Variants in NME5 observed in about 807,000 individuals in gnomAD.
The protein encoded by NME5 is NME/NM23 family member 5, also known as nucleoside diphosphate kinase 5.
A neutral mutation model predicts 21.6 loss-of-function variants in NME5; 18 were observed. That is an observed-to-expected ratio of 0.83 (90% CI 0.58 to 1.24). NME5 has a LOEUF of 1.24. NME5 is among the 50% of genes most tolerant of loss of function. The pLI is 0.00. For synonymous variants in NME5, 70 were observed against 80.6 expected, an observed-to-expected ratio of 0.87 and a Z score of 0.71; for missense variants, 223 against 255.4, an observed-to-expected ratio of 0.87 and a Z score of 0.86.
chr5:138,120,295 G>C (rs1224130693), intron 4 of NME5, among the ~76,000 whole-genome samples: 1 of 136,734 alleles, frequency 7.3e-6, no homozygotes, highest in Non-Finnish European at 1.5e-5. Context: ...GTGCAGTGCC[G>C]CGATCTTGGC....
intron 2 of NME5, among the ~76,000 whole-genome samples, chr5:138,132,953 G>GT (rs1397485607): frequency 6.8e-6 from 1 of 146,070 alleles, no homozygotes; most frequent in South Asian, 2.1e-4. Context: ...TTTTTTTTTT[G>GT]TTTTTTCTTG....
At chr5:138,135,816 C>T (rs1751686065) in intron 2 of NME5, among the ~76,000 whole-genome samples, 1 of 152,214 alleles carries the variant, frequency 6.6e-6, no homozygotes, top group African/African-American at 2.4e-5. Flanking sequence ...TCCTTGCCCT[C>T]AATAGGCAAC....
In NME5 at chr5:138,118,819, A is replaced by G. The variant is rs2151157649; in HGVS notation, c.554T>C (p.Leu185Ser). 1.3e-6 allele frequency: 2 copies of G among 1,586,178 alleles called. No individual in the cohort carries two copies. Among genetic ancestry groups the G allele is most frequent in the East Asian group, 2.2e-5 (1 of 44,710 alleles). ...ELCKQKPADP[L>S]IWLADWLLKN... is the part of the protein sequence containing the mutation. The stretch of plus-strand genomic sequence containing the variant: ...AGTGTGAATAAAAATATTTCTTACC[A>G]AAGGATCTGCTGGTTTTTGCTTACA... Residue 185 changes from leucine to serine, a missense_variant and splice_region_variant, in exon 5 of 6, where the codon TTG (leucine) becomes TCG (serine). Transcript: ENST00000265191.
intron 2 of NME5, among the ~76,000 whole-genome samples, chr5:138,137,663 T>C (rs1283735435): frequency 2.0e-5 from 3 of 151,258 alleles, no homozygotes. Flanking sequence ...AATATGACAC[T>C]GTATAAATGG....
At chr5:138,118,685 A>G in intron 5 of NME5, 133 bp downstream of exon 5, 1 of 538,756 alleles carries the variant, frequency 1.9e-6, no homozygotes. Context: ...GGGTTTCACC[A>G]TGTTAGTCAG....
chr5:138,136,762 C>T (rs1751707302), intron 2 of NME5, among the ~76,000 whole-genome samples: 1 of 152,034 alleles, frequency 6.6e-6, no homozygotes, highest in African/African-American at 2.4e-5. Context: ...CCTGCCTCAG[C>T]CTGCTGAGTA....
Position 138,139,392 on chromosome 5 carries a change from G to C in NME5, c.-27C>G, listed in dbSNP as rs2151175381. The C allele has an allele frequency of 1.0e-6, 1 of 985,672 alleles. No homozygotes were observed. Among genetic ancestry groups the C allele is most frequent in the Non-Finnish European group, 1.2e-6 (1 of 830,166 alleles). 61.1% of individuals were successfully genotyped at this position (985,672 alleles called of 1,614,324 possible). A position where few individuals can be genotyped will look rare whatever the true frequency, so the allele number is the denominator to read the frequency against. On this transcript the variant is annotated 5_prime_UTR_variant, in exon 1 of 6. Coordinates refer to ENST00000265191, the MANE Select transcript of NME5 (RefSeq NM_003551.3). ...TCACCTCAGCGGCCGTCCTCATATG[G>C]TACAACTTGTTGCTAGGAGACCTGA...
rs117411023 is a variant in NME5 at position 138,117,165 on chromosome 5, C to T, written c.556-1401G>A. On this transcript the variant is annotated intron_variant, in intron 5 of 5. Transcript: ENST00000265191. ...CAGAGGTTGAAGTGAGCCGAGATGG[C>T]GCCACCAGACTCCAGCATGGGGAAC... Among the ~76,000 whole-genome samples the T allele has an allele frequency of 6.6e-5, 9 of 135,554 alleles. No homozygotes were observed. In the East Asian group the frequency reaches 8.6e-4, roughly 13 times the overall value. The allele number at this position is 135,554 out of a possible 152,430, so 88.9% of individuals were successfully genotyped here. A position where few individuals can be genotyped will look rare whatever the true frequency, so the allele number is the denominator to read the frequency against.
intron 4 of NME5, among the ~76,000 whole-genome samples, chr5:138,121,997 A>G (rs1222017293): frequency 3.3e-5 from 5 of 151,936 alleles, no homozygotes. Flanking sequence ...CCAACCCAAA[A>G]CTGTTAATTA....
In NME5 at chr5:138,139,416, G is replaced by A; in HGVS notation, c.-51C>T. 1 of 985,612 alleles carries A rather than the reference G, an allele frequency of 1.0e-6. No homozygotes were observed. Among genetic ancestry groups the A allele is most frequent in the Non-Finnish European group, 1.2e-6 (1 of 830,076 alleles). 61.1% of individuals were successfully genotyped at this position (985,612 alleles called of 1,614,324 possible). On this transcript the variant is annotated 5_prime_UTR_variant, in exon 1 of 6. Coordinates refer to ENST00000265191, the MANE Select transcript of NME5 (RefSeq NM_003551.3). Reference sequence around the variant, plus strand: ...GGTACAACTTGTTGCTAGGAGACCTGAAGCCCCAGCGTGGGGACGGTGGCT... The same window carrying A: ...GGTACAACTTGTTGCTAGGAGACCTAAAGCCCCAGCGTGGGGACGGTGGCT...
intron 5 of NME5, among the ~76,000 whole-genome samples, chr5:138,116,963 T>A (rs972493545): frequency 1.3e-5 from 2 of 151,726 alleles, no homozygotes; most frequent in Non-Finnish European, 2.9e-5. Flanking sequence ...ATCCCAATAC[T>A]TTTGGAGGCC....
At chr5:138,133,779 A>AT (rs1359949639) in intron 2 of NME5, among the ~76,000 whole-genome samples, 1 of 152,240 alleles carries the variant, frequency 6.6e-6, no homozygotes, top group African/African-American at 2.4e-5. Context: ...GATAGCTTGA[A>AT]TAGTCAAATT....
At chr5:138,125,050 G>C (rs1314462172) in intron 4 of NME5, among the ~76,000 whole-genome samples, 6 of 151,980 alleles carry the variant, frequency 3.9e-5, no homozygotes, top group African/African-American at 1.5e-4. Flanking sequence ...AGCCTCCAGA[G>C]TAGCTGGGAC....
chr5:138,138,640 C>A lies in NME5; in HGVS notation c.129+12G>T. 1 of 1,606,126 alleles carries A rather than the reference C, an allele frequency of 6.2e-7. No homozygotes were observed. The highest frequency in any genetic ancestry group is 8.5e-7 in the Non-Finnish European group (1 of 1,177,796). On this transcript the variant is annotated intron_variant, in intron 2 of 5. Coordinates refer to ENST00000265191, the MANE Select transcript of NME5 (RefSeq NM_003551.3). ...GAGGAAAAAAGCATGAATCATCATA[C>A]CCAGAAGTTACCTGAACAATGGTGA...
In NME5 at chr5:138,138,657, C is replaced by A. The variant is rs1484948257; in HGVS notation, c.124G>T (p.Val42Phe). The A allele has an allele frequency of 1.2e-6, 2 of 1,610,040 alleles. No individual in the cohort carries two copies. Among genetic ancestry groups the A allele is most frequent in the African/African-American group, 1.3e-5 (1 of 74,698 alleles). Residue 42 changes from valine (V) to phenylalanine (F), a missense_variant, in exon 2 of 6, where the codon GTT (valine) becomes TTT (phenylalanine). By Grantham distance (50) the Val-to-Phe change is conservative. Coordinates refer to ENST00000265191, the MANE Select transcript of NME5 (RefSeq NM_003551.3). ...DIILRSGFTI[V>F]QRRKLRLSPE... ...TCATCATACCCAGAAGTTACCTGAA[C>A]AATGGTGAATCCGGATCTAAGAATA...
intron 2 of NME5, among the ~76,000 whole-genome samples, chr5:138,130,583 G>A (rs1244713163): frequency 6.6e-6 from 1 of 152,132 alleles, no homozygotes. Context: ...GAGGTCAGGG[G>A]TTCGAGAACA....
chr5:138,117,204 C>CAAAAAAAAAAAAAAAAAAAAAGAAAA (rs1751179681), intron 5 of NME5, among the ~76,000 whole-genome samples: 1 of 63,574 alleles, frequency 1.6e-5, no homozygotes, highest in Non-Finnish European at 2.8e-5. Context: ...GACCCTGTCT[C>CAAAAAAAAAAAAAAAAAAAAAGAAAA]AAAAAAAAAA....
At chr5:138,138,100 C>T (rs1200176933) in intron 2 of NME5, among the ~76,000 whole-genome samples, 4 of 152,140 alleles carry the variant, frequency 2.6e-5, no homozygotes. Context: ...CACTTTCAAA[C>T]CCCTAGAATG....
chr5:138,124,955 A>T (rs1274376116), intron 4 of NME5, among the ~76,000 whole-genome samples: 2 of 152,056 alleles, frequency 1.3e-5, no homozygotes, highest in Non-Finnish European at 2.9e-5. Context: ...ACAGGGTCTC[A>T]CTCTGTTGTC....
Sources: allele counts gnomAD v4.1 joint callset (sites outside exome capture counted in the v4.1 genomes callset), GRCh38; gene constraint gnomAD v4.1.1; transcripts MANE v1.5; gene names NCBI Gene and HGNC (gene_info 2026-07-23, HGNC 2026-07-21).